APOLD1: variants seen among roughly 807,000 people sequenced by gnomAD.
APOLD1 encodes apolipoprotein L domain-containing protein 1.
APOLD1 carries 22 observed loss-of-function variants against 15.3 expected under a neutral mutation model. The observed-to-expected ratio is 1.44, with a 90% CI of 1.03 to 2.05. The LOEUF (loss-of-function observed/expected upper bound fraction) is 2.05, where lower values mean the gene tolerates loss of function less well. Ranked by LOEUF, APOLD1 falls within the 30% of genes most tolerant of loss-of-function variation. The pLI, the probability that APOLD1 is intolerant of heterozygous loss-of-function variation, is 0.00. For missense variants in APOLD1, 394 were observed against 353.5 expected, an observed-to-expected ratio of 1.11 and a Z score of -0.92; for synonymous variants, 190 against 167.4, an observed-to-expected ratio of 1.13 and a Z score of -1.04.
chr12:12,738,252 A>G (rs1045757566), intron 1 of APOLD1, among the ~76,000 whole-genome samples: 2 of 127,716 alleles, frequency 1.6e-5, no homozygotes, highest in African/African-American at 5.9e-5. Flanking sequence ...TCTATTGCCC[A>G]GGCTGCAGTG....
chr12:12,771,495 A>G (rs1946986687), intron 1 of APOLD1: 1 of 493,706 alleles, frequency 2.0e-6, no homozygotes, highest in Non-Finnish European at 4.0e-6. Flanking sequence ...GTTTTCCAGC[A>G]AATTGGCAGA....
chr12:12,771,600 C>A (rs1946987762), intron 1 of APOLD1: 5 of 510,738 alleles, frequency 9.8e-6, no homozygotes, highest in East Asian at 5.6e-5. Flanking sequence ...GGCATCGAGG[C>A]CTGTGTCCTG....
chr12:12,726,770 C>T (rs1279740731), intron 1 of APOLD1, among the ~76,000 whole-genome samples: 1 of 149,330 alleles, frequency 6.7e-6, no homozygotes, highest in Non-Finnish European at 1.5e-5. Context: ...ATAAACCAAC[C>T]TGATTATGCC....
intron 1 of APOLD1, among the ~76,000 whole-genome samples, chr12:12,728,211 C>T (rs1049252677): frequency 6.6e-6 from 1 of 152,112 alleles, no homozygotes. Context: ...AAGGAATCCT[C>T]ACACCTTGGC....
intron 1 of APOLD1, among the ~76,000 whole-genome samples, chr12:12,736,273 C>T (rs575378715): frequency 3.0e-3 from 461 of 152,262 alleles, no homozygotes; most frequent in Non-Finnish European, 4.1e-3. Context: ...ACTGCTTGAA[C>T]CCAGGAGGAG....
chr12:12,742,118 C>T (rs1461661381), intron 1 of APOLD1, among the ~76,000 whole-genome samples: 1 of 152,142 alleles, frequency 6.6e-6, no homozygotes, highest in Non-Finnish European at 1.5e-5. Flanking sequence ...AACAGAGCCC[C>T]AGCTATGTCC....
In APOLD1 at chr12:12,787,536, G is replaced by A; in HGVS notation, c.631G>A (p.Gly211Arg). The A allele has an allele frequency of 6.2e-7, 1 of 1,613,888 alleles. No individual in the cohort carries two copies. Among genetic ancestry groups the A allele is most frequent in the Non-Finnish European group, 8.5e-7 (1 of 1,180,040 alleles). ...GGCCGAGAGCCTGGAGTCCTGCACCGGGGCTCTGGACGAACTCAGCGAGCA... is the reference window on the plus strand; with the variant it reads ...GGCCGAGAGCCTGGAGTCCTGCACCAGGGCTCTGGACGAACTCAGCGAGCA... ...KLAESLESCTGALDELSEQLE... is the reference protein window; with the variant it reads ...KLAESLESCTRALDELSEQLE... Residue 211 changes from glycine to arginine, a missense_variant, in exon 2 of 2, where the codon GGG becomes AGG. Coordinates refer to ENST00000356591, the MANE Select transcript of APOLD1 (RefSeq NM_030817.3). The surrounding 1 kb of genome is among the most constrained non-coding windows in gnomAD (Gnocchi z 4.9).
chr12:12,777,334 G>C (rs1334243928), intron 1 of APOLD1, among the ~76,000 whole-genome samples: 2 of 152,200 alleles, frequency 1.3e-5, no homozygotes. Context: ...AAAGGAAAGA[G>C]TGGTTGGTCA....
upstream of APOLD1, among the ~76,000 whole-genome samples, chr12:12,783,662 A>C (rs1280970279): frequency 6.9e-6 from 1 of 144,034 alleles, no homozygotes; most frequent in East Asian, 2.0e-4. Flanking sequence ...TTTTGAGACA[A>C]GGTCTCTATC....
intron 1 of APOLD1, among the ~76,000 whole-genome samples, chr12:12,726,759 C>G (rs944316488): frequency 6.6e-6 from 1 of 152,040 alleles, no homozygotes; most frequent in Non-Finnish European, 1.5e-5. Context: ...CATGAAAGAC[C>G]ATAAACCAAC....
At chr12:12,774,546 CAAAAAAAA>C (rs57343706) in intron 1 of APOLD1, among the ~76,000 whole-genome samples, 3 of 42,288 alleles carry the variant, frequency 7.1e-5, no homozygotes, top group Admixed American at 4.3e-4. Context: ...ACTCTAACTC[CAAAAAAAA>C]AAAAAAAAAA....
At chr12:12,755,491 A>G (rs184268091) in intron 1 of APOLD1, among the ~76,000 whole-genome samples, 5 of 152,364 alleles carry the variant, frequency 3.3e-5, no homozygotes, top group African/African-American at 1.2e-4. Flanking sequence ...GAAAGAAGAT[A>G]TTGGTAACAA....
intron 1 of APOLD1, among the ~76,000 whole-genome samples, chr12:12,732,351 CTGT>C (rs1211261184): frequency 6.6e-6 from 1 of 152,152 alleles, no homozygotes; most frequent in Non-Finnish European, 1.5e-5. Flanking sequence ...TTAATTACTG[CTGT>C]TATTACCGTT....
At chr12:12,760,166 C>T (rs960679072) in intron 1 of APOLD1, among the ~76,000 whole-genome samples, 1 of 151,142 alleles carries the variant, frequency 6.6e-6, no homozygotes, top group African/African-American at 2.4e-5. Context: ...ACGAAACCCC[C>T]TCTTTACAAA....
chr12:12,764,082 C>T (rs1176880046), intron 1 of APOLD1, among the ~76,000 whole-genome samples: 2 of 152,140 alleles, frequency 1.3e-5, no homozygotes, highest in African/African-American at 4.8e-5. Flanking sequence ...CATGCCTCAG[C>T]CTCCCAAGTA....
chr12:12,782,398 G>A (rs1269107044), upstream of APOLD1, among the ~76,000 whole-genome samples: 1 of 152,158 alleles, frequency 6.6e-6, no homozygotes, highest in Non-Finnish European at 1.5e-5. Context: ...ACTCTCCAGG[G>A]CTGGGGCCTG....
intron 1 of APOLD1, among the ~76,000 whole-genome samples, chr12:12,734,873 T>TCCTGGAGCTCC: frequency 6.6e-6 from 1 of 152,278 alleles, no homozygotes; most frequent in East Asian, 1.9e-4. Context: ...ACAGGAGCGC[T>TCCTGGAGCTCC]GGCCTCCTGG....
chr12:12,742,038 C>T (rs1276415881), intron 1 of APOLD1, among the ~76,000 whole-genome samples: 2 of 152,184 alleles, frequency 1.3e-5, no homozygotes, highest in Non-Finnish European at 2.9e-5. Flanking sequence ...TATTTCTGGC[C>T]AGCAATGTCT....
intron 1 of APOLD1, chr12:12,726,189 A>G (rs1164974247): frequency 4.5e-6 from 4 of 885,254 alleles, no homozygotes; most frequent in African/African-American, 1.8e-5. Context: ...AAGAGGAAAT[A>G]GAGGAAAAAT....
Sources: gnomAD v4.1 joint callset for allele counts (sites outside exome capture counted in the v4.1 genomes callset) on GRCh38, gnomAD v4.1.1 for gene constraint, Gnocchi (gnomAD v3.1) non-coding constraint, MANE v1.5 for transcripts, NCBI Gene and HGNC (gene_info 2026-07-23, HGNC 2026-07-21) for gene names.